PDCD6: variants seen among roughly 807,000 people sequenced by gnomAD.
PDCD6 encodes programmed cell death protein 6.
Under a neutral mutation model 28.3 loss-of-function variants are expected in PDCD6, and 12 were observed. The ratio of observed to expected loss-of-function variants is 0.42; its 90% confidence interval spans 0.27 to 0.69. PDCD6 has a LOEUF of 0.69. Ranked by LOEUF, PDCD6 falls within the 30% of genes least tolerant of loss-of-function variation. The pLI is 0.22. For missense variants in PDCD6, 226 were observed against 269.9 expected, an observed-to-expected ratio of 0.84 and a Z score of 1.14; for synonymous variants, 92 against 108.0, an observed-to-expected ratio of 0.85 and a Z score of 0.92.
intron 2 of PDCD6, among the ~76,000 whole-genome samples, chr5:284,736 G>A (rs1229417523): frequency 6.6e-6 from 1 of 151,374 alleles, no homozygotes; most frequent in African/African-American, 2.4e-5. Context: ...TCAGGGCCGT[G>A]CAGCTGGAGA....
At position 302,107 on chromosome 5, in the gene PDCD6, T is replaced by TGTGTGTGTGTGTGTGTGTGC. The variant is rs113802406; in HGVS notation, c.164-2069_164-2068insTGTGTGTGTGTGTGTGTGCG. On this transcript the variant is annotated intron_variant, in intron 2 of 5. Coordinates refer to ENST00000264933, the MANE Select transcript of PDCD6 (RefSeq NM_013232.4). ...GTGTGTGTGTGTGTGTGTGTGTGTG[T>TGTGTGTGTGTGTGTGTGTGC]GCCTTGGGTTCAGGTGCACCTGCCT... Among the ~76,000 whole-genome samples, 44 of 111,590 alleles carry TGTGTGTGTGTGTGTGTGTGC rather than the reference T, an allele frequency of 3.9e-4. 1 individual carries two copies. The highest frequency in any genetic ancestry group is 5.1e-4 in the Non-Finnish European group (29 of 56,336). The allele number at this position is 111,590 out of a possible 152,430, so 73.2% of individuals were successfully genotyped here.
intron 2 of PDCD6, among the ~76,000 whole-genome samples, chr5:297,324 A>G (rs1018611699): frequency 6.6e-5 from 10 of 152,230 alleles, no homozygotes; most frequent in African/African-American, 2.4e-4. Context: ...GCAGAAACTT[A>G]TGCTTCTTCC....
At chr5:288,315 C>CAA (rs1739112322) in intron 2 of PDCD6, among the ~76,000 whole-genome samples, 1 of 131,876 alleles carries the variant, frequency 7.6e-6, no homozygotes, top group Non-Finnish European at 1.6e-5. Flanking sequence ...TATATATACA[C>CAA]ATATGTATAT....
At chr5:291,745 T>C (rs539104223) in intron 2 of PDCD6, among the ~76,000 whole-genome samples, 2 of 152,316 alleles carry the variant, frequency 1.3e-5, no homozygotes, top group Admixed American at 1.3e-4. Flanking sequence ...TTCATTTTCA[T>C]TGCTGCGTGA....
intron 2 of PDCD6, among the ~76,000 whole-genome samples, chr5:299,758 C>T (rs536797733): frequency 1.1e-3 from 162 of 152,262 alleles, no homozygotes; most frequent in East Asian, 6.2e-3. Flanking sequence ...ACCATATTAG[C>T]CAGGATGGTC....
At chr5:273,759 T>G (rs1353332791) in intron 2 of PDCD6, among the ~76,000 whole-genome samples, 9 of 152,130 alleles carry the variant, frequency 5.9e-5, no homozygotes, top group Non-Finnish European at 1.2e-4. Context: ...AGAGTAACAT[T>G]TTTACCTTAT....
intron 2 of PDCD6, among the ~76,000 whole-genome samples, chr5:296,237 C>T (rs1028329631): frequency 4.6e-5 from 7 of 152,198 alleles, no homozygotes; most frequent in Non-Finnish European, 7.3e-5. Context: ...TGATCGGCCA[C>T]GACACCTGCT....
intron 2 of PDCD6, among the ~76,000 whole-genome samples, chr5:299,891 C>T (rs1279984796): frequency 6.6e-6 from 1 of 151,810 alleles, no homozygotes. Context: ...AGTTGAGGCT[C>T]TCTTGGAGAT....
At chr5:309,421 C>T (rs1740749027) in intron 4 of PDCD6, 1 of 160,462 alleles carries the variant, frequency 6.2e-6, no homozygotes, top group Non-Finnish European at 1.4e-5. Context: ...TTTCCCTTCA[C>T]TATTACTGAT....
At position 290,500 on chromosome 5, in the gene PDCD6, G is replaced by A. The variant is rs1442870834; in HGVS notation, c.164-13677G>A. ...AGCATGTGAGAGAGTGAGACCAACAGAGCGAGCATCTCCCCAAGCCACTAC... is the reference window on the plus strand; with the variant it reads ...AGCATGTGAGAGAGTGAGACCAACAAAGCGAGCATCTCCCCAAGCCACTAC... On this transcript the variant is annotated intron_variant, in intron 2 of 5. Coordinates refer to ENST00000264933, the MANE Select transcript of PDCD6 (RefSeq NM_013232.4). 3.9e-5 allele frequency among the ~76,000 whole-genome samples: 6 copies of A among 152,126 alleles called. No homozygotes were observed. The South Asian group carries it at 6.2e-4, about 16-fold the overall frequency.
chr5:290,390 C>A, intron 2 of PDCD6: 1 of 837,588 alleles, frequency 1.2e-6, no homozygotes, highest in Non-Finnish European at 2.0e-6. Context: ...ATGCCTCCCC[C>A]CACCCCCCGA....
At chr5:310,967 C>G in intron 4 of PDCD6, 1 of 294,800 alleles carries the variant, frequency 3.4e-6, no homozygotes, top group Non-Finnish European at 6.4e-6. Flanking sequence ...TGTGGCCGCC[C>G]TGTGGGGTGG....
intron 2 of PDCD6, among the ~76,000 whole-genome samples, chr5:300,659 G>A (rs563794991): frequency 1.4e-4 from 22 of 152,352 alleles, no homozygotes; most frequent in South Asian, 4.1e-4. Flanking sequence ...TGTGCGCCAC[G>A]GTGCTTCAGC....
chr5:282,511 C>T (rs1310341292), intron 2 of PDCD6, among the ~76,000 whole-genome samples: 2 of 149,300 alleles, frequency 1.3e-5, no homozygotes, highest in African/African-American at 2.5e-5. Context: ...GCTGAAGACT[C>T]TGGGAGGAGC....
At chr5:271,917 C>A (rs1737833533) in intron 1 of PDCD6, 96 bp downstream of exon 1, 5 of 576,986 alleles carry the variant, frequency 8.7e-6, no homozygotes, top group Middle Eastern at 5.1e-4. Context: ...CCTGCCGGTT[C>A]TACTGCGGCC....
At chr5:293,189 C>T (rs1480730360) in intron 2 of PDCD6, among the ~76,000 whole-genome samples, 5 of 152,198 alleles carry the variant, frequency 3.3e-5, no homozygotes, top group Admixed American at 1.3e-4. Context: ...ACCAGGACAG[C>T]GCCAGCACTA....
chr5:288,475 T>G (rs1043038), intron 2 of PDCD6, among the ~76,000 whole-genome samples: 1 of 151,404 alleles, frequency 6.6e-6, no homozygotes, highest in Non-Finnish European at 1.5e-5. Context: ...AAACCTTCTT[T>G]CATATGTATA....
rs956580463 is a variant in PDCD6, at chr5:311,211, G to A, written c.368-82G>A. 7.0e-6 allele frequency: 7 copies of A among 1,001,226 alleles called. No homozygotes were observed. In the African/African-American group the frequency reaches 9.6e-5, roughly 14 times the overall value. 62.0% of individuals were successfully genotyped at this position (1,001,226 alleles called of 1,614,324 possible). ...TGCATTGTGTGTGTTAGAGGCTGTG[G>A]GCCTTGGGCAGGAGGGGTGAGTGTT... On this transcript the variant is annotated intron_variant, in intron 4 of 5. Transcript: ENST00000264933.
chr5:302,393 C>CTGTTG (rs1197687629), intron 2 of PDCD6, among the ~76,000 whole-genome samples: 1 of 118,038 alleles, frequency 8.5e-6, no homozygotes, highest in African/African-American at 4.5e-5. Flanking sequence ...TGGAGTGCTG[C>CTGTTG]TCTGTGTGTA....
Sources: allele counts gnomAD v4.1 joint callset (sites outside exome capture counted in the v4.1 genomes callset), GRCh38; gene constraint gnomAD v4.1.1; transcripts MANE v1.5; gene names NCBI Gene and HGNC (gene_info 2026-07-23, HGNC 2026-07-21).